PCDH11Y: variants seen among roughly 807,000 people sequenced by gnomAD.
PCDH11Y encodes the protein protocadherin-11 Y-linked.
For synonymous variants in PCDH11Y, 9 were observed against 83.6 expected (o/e 0.11, Z 4.87); for missense variants, 12 against 224.8 (o/e 0.05, Z 6.05).
chrY:5,102,781 A>G, downstream of PCDH11Y, among the ~76,000 whole-genome samples: 1 of 33,207 alleles, frequency 3.0e-5, no homozygotes, highest in East Asian at 7.8e-4. Context: ...CAAAAAAGTA[A>G]ATGCTAATGA....
At chrY:5,329,243 G>A in intron 2 of PCDH11Y, among the ~76,000 whole-genome samples, 1 of 32,410 alleles carries the variant, frequency 3.1e-5, no homozygotes, top group Non-Finnish European at 7.5e-5. Context: ...GCATAGTGAA[G>A]GAGGCAAGCC....
chrY:5,373,722 ATATATATATATGTGTG>A (rs2053194152), intron 2 of PCDH11Y, among the ~76,000 whole-genome samples: 9 of 26,170 alleles, frequency 3.4e-4, no homozygotes, highest in Admixed American at 3.1e-3. Context: ...ATATGTTTAT[ATATATATATATGTGTG>A]TATATATACA....
chrY:5,638,261 C>G lies in PCDH11Y; in HGVS notation c.3352+56463C>G, dbSNP rs377497614. On this transcript the variant is annotated intron_variant, in intron 4 of 4. Coordinates refer to the PCDH11Y transcript ENST00000400457. ...TTTTAAGTTCTGATTCTGCTGCTTA[C>G]TATACTGTTTGGCCTTGGACATTTT... Among the ~76,000 whole-genome samples the G allele has an allele frequency of 6.8e-4, 21 of 30,928 alleles. No individual in the cohort carries two copies. The East Asian group carries it at 0.015, about 23-fold the overall frequency. The allele number at this position is 30,928 out of a possible 37,273, so 83.0% of individuals were successfully genotyped here.
At chrY:5,575,161 C>G (rs2124696754) in intron 3 of PCDH11Y, among the ~76,000 whole-genome samples, 4 of 31,719 alleles carry the variant, frequency 1.3e-4, no homozygotes, top group Admixed American at 5.7e-4. Context: ...GAGGCACAAG[C>G]AATCAAACCA....
intron 2 of PCDH11Y, among the ~76,000 whole-genome samples, chrY:5,355,888 T>C: frequency 3.0e-5 from 1 of 33,777 alleles, no homozygotes; most frequent in Non-Finnish European, 7.3e-5. Context: ...AGTGAGGACA[T>C]TTTTTATGGG....
chrY:5,717,302 C>T (rs2124713636), intron 4 of PCDH11Y, among the ~76,000 whole-genome samples: 1 of 32,430 alleles, frequency 3.1e-5, no homozygotes, highest in Admixed American at 2.8e-4. Flanking sequence ...AGTGAAGAGA[C>T]AACCCACAGA....
intron 3 of PCDH11Y, among the ~76,000 whole-genome samples, chrY:5,574,607 A>G (rs1569348172): frequency 5.9e-5 from 2 of 33,989 alleles, no homozygotes; most frequent in East Asian, 1.5e-3. Flanking sequence ...TATTGTTACA[A>G]AGTCCATACT....
chrY:5,586,672 AT>A (rs1335623640), intron 4 of PCDH11Y, among the ~76,000 whole-genome samples: 11 of 31,202 alleles, frequency 3.5e-4, no homozygotes, highest in Non-Finnish European at 7.8e-4. Context: ...TTGATAGGCT[AT>A]ATGTGTCTAG....
chrY:5,176,028 T>C (rs9786653), intron 2 of PCDH11Y, among the ~76,000 whole-genome samples: 2 of 15,440 alleles, frequency 1.3e-4, no homozygotes, highest in African/African-American at 1.1e-3. Context: ...ACATCCTCTC[T>C]AGCACCTGTT....
At chrY:5,341,393 CCACCGTGCT>C (rs2053144792) in intron 2 of PCDH11Y, among the ~76,000 whole-genome samples, 1 of 32,911 alleles carries the variant, frequency 3.0e-5, no homozygotes, top group Non-Finnish European at 7.4e-5. Flanking sequence ...CAGACATGAG[CCACCGTGCT>C]CAGCCAGCAA....
chrY:5,358,061 C>T lies in PCDH11Y; in HGVS notation c.3130-142996C>T, dbSNP rs1602910860. ...AAGCGATTCTCCTGCCTCCGCCTCC[C>T]GAGTAGCTGGGATTGCAGGAGCCTG... On this transcript the variant is annotated intron_variant, in intron 2 of 4. Coordinates refer to the PCDH11Y transcript ENST00000400457. Among the ~76,000 whole-genome samples, 11 of 33,167 alleles carry T rather than the reference C, an allele frequency of 3.3e-4. No homozygotes were observed. In the East Asian group the frequency reaches 8.2e-3, roughly 25 times the overall value. 89.0% of individuals were successfully genotyped at this position (33,167 alleles called of 37,273 possible). A position where few individuals can be genotyped will look rare whatever the true frequency, so the allele number is the denominator to read the frequency against.
intron 1 of PCDH11Y, among the ~76,000 whole-genome samples, chrY:5,023,672 G>A: frequency 2.4e-4 from 8 of 33,597 alleles, no homozygotes; most frequent in Non-Finnish European, 5.9e-4. Context: ...TACTAGAAAA[G>A]GATTCTCTCT....
chrY:5,475,589 T>C, intron 2 of PCDH11Y, among the ~76,000 whole-genome samples: 2 of 32,638 alleles, frequency 6.1e-5, no homozygotes, highest in African/African-American at 2.4e-4. Context: ...AAGTATTTTG[T>C]TGTGGATTTT....
chrY:5,425,316 C>T, intron 2 of PCDH11Y, among the ~76,000 whole-genome samples: 1 of 33,103 alleles, frequency 3.0e-5, no homozygotes, highest in Non-Finnish European at 7.4e-5. Context: ...TGTACAGTGA[C>T]TTTGACCTCA....
intron 2 of PCDH11Y, among the ~76,000 whole-genome samples, chrY:5,499,879 C>A: frequency 3.1e-5 from 1 of 32,288 alleles, no homozygotes; most frequent in Non-Finnish European, 7.5e-5. Context: ...TATTTCTACT[C>A]CACAATGACT....
At chrY:5,727,522 C>A in intron 4 of PCDH11Y, among the ~76,000 whole-genome samples, 2 of 32,653 alleles carry the variant, frequency 6.1e-5, no homozygotes, top group Middle Eastern at 0.015. Context: ...CCTATGGTTT[C>A]TGTAAATAAA....
intron 2 of PCDH11Y, among the ~76,000 whole-genome samples, chrY:5,385,591 G>C: frequency 3.0e-5 from 1 of 33,156 alleles, no homozygotes; most frequent in Non-Finnish European, 7.4e-5. Context: ...TGTAAATTTT[G>C]CTGCTATAAA....
chrY:5,424,477 A>G (rs2053261222), intron 2 of PCDH11Y, among the ~76,000 whole-genome samples: 1 of 33,183 alleles, frequency 3.0e-5, no homozygotes, highest in Non-Finnish European at 7.4e-5. Flanking sequence ...CGTGTCCGGT[A>G]TTCTCTCATG....
intron 4 of PCDH11Y, among the ~76,000 whole-genome samples, chrY:5,676,675 G>T: frequency 3.1e-5 from 1 of 32,594 alleles, no homozygotes; most frequent in African/African-American, 1.2e-4. Context: ...AGCACAGCAA[G>T]AATCATATTT....
Sources: gnomAD v4.1 joint callset for allele counts (sites outside exome capture counted in the v4.1 genomes callset) on GRCh38, gnomAD v4.1.1 for gene constraint, MANE v1.5 for transcripts, NCBI Gene and HGNC (gene_info 2026-07-23, HGNC 2026-07-21) for gene names.